Variants in RAB6A observed in about 807,000 individuals in gnomAD.
RAB6A encodes the protein RAB6A, member RAS oncogene family.
RAB6A carries 8 observed loss-of-function variants against 32.3 expected under a neutral mutation model. That is an observed-to-expected ratio of 0.25 (90% CI 0.15 to 0.45). The LOEUF is 0.45. Among genes scored for constraint, RAB6A ranks in the 20% least tolerant of loss-of-function variants. The probability of loss-of-function intolerance (pLI) is 1.00; values close to 1 mark genes in which losing one functional copy is unlikely to be tolerated. For missense variants in RAB6A, 104 were observed against 249.4 expected, an observed-to-expected ratio of 0.42 and a Z score of 3.93; for synonymous variants, 73 against 82.1, an observed-to-expected ratio of 0.89 and a Z score of 0.60.
At chr11:73,719,701 T>C (rs1439973549) in intron 3 of RAB6A, among the ~76,000 whole-genome samples, 1 of 151,270 alleles carries the variant, frequency 6.6e-6, no homozygotes, top group Non-Finnish European at 1.5e-5. Context: ...CTGCAACCTC[T>C]GCCTCCCGGG....
In RAB6A at chr11:73,720,715, T is replaced by C. The variant is rs1946123313; in HGVS notation, c.183+131A>G. On this transcript the variant is annotated intron_variant, in intron 3 of 7. Coordinates refer to ENST00000336083, the MANE Select transcript of RAB6A (RefSeq NM_198896.2). Reference sequence around the variant, plus strand: ...ACTACTCACTCGGTAATAAGAGTTTTTCTCAACAACTGTAAACTATCTTTG... The same window carrying C: ...ACTACTCACTCGGTAATAAGAGTTTCTCTCAACAACTGTAAACTATCTTTG... The C allele has an allele frequency of 5.2e-5, 37 of 709,006 alleles. No individual in the cohort carries two copies. In the South Asian group the frequency reaches 7.2e-4, roughly 14 times the overall value. 43.9% of individuals were successfully genotyped at this position (709,006 alleles called of 1,614,324 possible).
intron 6 of RAB6A, among the ~76,000 whole-genome samples, chr11:73,706,448 A>C (rs954586590): frequency 2.0e-5 from 3 of 151,948 alleles, no homozygotes; most frequent in Non-Finnish European, 4.4e-5. Context: ...TGGGAGGTGA[A>C]GCTTGCAGTG....
In RAB6A at chr11:73,700,619, G is replaced by T. The variant is rs570858895; in HGVS notation, c.495+6801C>A. Among the ~76,000 whole-genome samples the T allele has an allele frequency of 2.6e-3, 326 of 125,372 alleles. 25 individuals are homozygous for T. The highest frequency in any genetic ancestry group is 9.1e-3 in the African/African-American group (313 of 34,366). The allele number at this position is 125,372 out of a possible 152,430, so 82.2% of individuals were successfully genotyped here. A position where few individuals can be genotyped will look rare whatever the true frequency, so the allele number is the denominator to read the frequency against. Reference sequence around the variant, plus strand: ...AAAAAAGTGTGTGTGTGGGGGGGGGGGGGGGAGGAGGGTAGTGGATGAGAA... The same window carrying T: ...AAAAAAGTGTGTGTGTGGGGGGGGGTGGGGGAGGAGGGTAGTGGATGAGAA... On this transcript the variant is annotated intron_variant, in intron 6 of 7. Coordinates refer to ENST00000336083, the MANE Select transcript of RAB6A (RefSeq NM_198896.2).
intron 1 of RAB6A, among the ~76,000 whole-genome samples, chr11:73,753,183 G>A (rs1019237670): frequency 2.6e-5 from 4 of 152,118 alleles, no homozygotes; most frequent in South Asian, 2.1e-4. Context: ...CCAGGAGCTC[G>A]TGGCTGCAGT....
rs546683734 is a variant in RAB6A at position 73,733,422 on chromosome 11, G to A, written c.71-2599C>T. 1.5e-4 allele frequency among the ~76,000 whole-genome samples: 23 copies of A among 151,994 alleles called. No homozygotes were observed. The East Asian group carries it at 1.5e-3, about 10-fold the overall frequency. On this transcript the variant is annotated intron_variant, in intron 1 of 7. Coordinates refer to ENST00000336083, the MANE Select transcript of RAB6A (RefSeq NM_198896.2). ...GAATTAGCCGGGTGTGGTGATGCGC[G>A]CCTGTAATCCCAGCTACGCAGGAGA...
chr11:73,696,419 C>T (rs1945656553), intron 6 of RAB6A, among the ~76,000 whole-genome samples: 1 of 152,054 alleles, frequency 6.6e-6, no homozygotes, highest in African/African-American at 2.4e-5. Flanking sequence ...GTCTCGAACT[C>T]CTGACCTCAG....
At chr11:73,730,933 G>C in intron 1 of RAB6A, 110 bp from the exon 2 acceptor site, 1 of 733,024 alleles carries the variant, frequency 1.4e-6, no homozygotes, top group Non-Finnish European at 2.3e-6. Flanking sequence ...ACCTGCAATG[G>C]TTCTACTAAG....
intron 5 of RAB6A, among the ~76,000 whole-genome samples, chr11:73,709,474 T>TATTATTATTATG (rs113302104): frequency 6.8e-6 from 1 of 147,754 alleles, no homozygotes; most frequent in Non-Finnish European, 1.5e-5. Flanking sequence ...CTATTATTAT[T>TATTATTATTATG]ATGACTCGTG....
chr11:73,757,249 T>C (rs1253006480), intron 1 of RAB6A, among the ~76,000 whole-genome samples: 1 of 146,904 alleles, frequency 6.8e-6, no homozygotes, highest in African/African-American at 2.5e-5. Context: ...GTTCAAGCGA[T>C]TCTCCTGCCT....
intron 1 of RAB6A, among the ~76,000 whole-genome samples, chr11:73,746,967 G>A (rs569311126): frequency 2.0e-5 from 3 of 152,140 alleles, no homozygotes; most frequent in Non-Finnish European, 2.9e-5. Context: ...ACGGAGTCTC[G>A]CTCTGTCACT....
At chr11:73,716,561 C>A (rs1946056503) in intron 4 of RAB6A, among the ~76,000 whole-genome samples, 199 bp from the exon 5 acceptor site, 1 of 152,034 alleles carries the variant, frequency 6.6e-6, no homozygotes, top group African/African-American at 2.4e-5. Context: ...AGAATAAAAT[C>A]TTCAAGGTTC....
chr11:73,736,798 GA>G (rs1217713529), intron 1 of RAB6A, among the ~76,000 whole-genome samples: 1 of 38,600 alleles, frequency 2.6e-5, no homozygotes, highest in African/African-American at 8.6e-5. Flanking sequence ...TCTCGAGAAA[GA>G]AAAAAAAAAG....
At chr11:73,747,450 CG>C (rs961406168) in intron 1 of RAB6A, among the ~76,000 whole-genome samples, 16 of 149,936 alleles carry the variant, frequency 1.1e-4, no homozygotes, top group African/African-American at 3.4e-4. Flanking sequence ...CCCCCCGCCC[CG>C]CCCCCGGCCT....
chr11:73,722,305 G>GTGTGTATGTATATATA lies in RAB6A; in HGVS notation c.130-1407_130-1406insTATATATACATACACA, dbSNP rs1238666420. On this transcript the variant is annotated intron_variant, in intron 2 of 7. Transcript: ENST00000336083. ...AAAATTCAAATATATATGTGTGTGT[G>GTGTGTATGTATATATA]TATATATATATATATATATATATAT... The GTGTGTATGTATATATA allele has an allele frequency of 3.1e-3, 132 of 42,320 alleles. 2 individuals are homozygous for GTGTGTATGTATATATA. The highest frequency in any genetic ancestry group is 0.013 in the African/African-American group (129 of 10,088). 2.6% of individuals were successfully genotyped at this position (42,320 alleles called of 1,614,324 possible).
chr11:73,741,095 A>C (rs1946489038), intron 1 of RAB6A, among the ~76,000 whole-genome samples: 1 of 152,304 alleles, frequency 6.6e-6, no homozygotes, highest in Middle Eastern at 3.4e-3. Context: ...AGAGACATCC[A>C]AAGTAAAAAC....
chr11:73,715,354 G>A (rs1048145870), intron 5 of RAB6A, among the ~76,000 whole-genome samples: 3 of 152,136 alleles, frequency 2.0e-5, no homozygotes, highest in South Asian at 2.1e-4. Context: ...TTGAACTCCT[G>A]ACCTCGTGTT....
chr11:73,755,831 G>A (rs1217373264), intron 1 of RAB6A, among the ~76,000 whole-genome samples: 5 of 149,144 alleles, frequency 3.4e-5, no homozygotes, highest in African/African-American at 1.2e-4. Flanking sequence ...GAAGGGAGAA[G>A]GGGGAAGGAA....
chr11:73,702,523 A>T (rs916848598), intron 6 of RAB6A, among the ~76,000 whole-genome samples: 1 of 152,230 alleles, frequency 6.6e-6, no homozygotes, highest in Non-Finnish European at 1.5e-5. Context: ...AGTATACCTG[A>T]TAACTGTAAA....
At chr11:73,739,568 T>C (rs1012640503) in intron 1 of RAB6A, among the ~76,000 whole-genome samples, 17 of 151,508 alleles carry the variant, frequency 1.1e-4, no homozygotes, top group African/African-American at 3.9e-4. Flanking sequence ...TGCCAAGTCC[T>C]TGGGCTCAAG....
Sources: allele counts gnomAD v4.1 joint callset (sites outside exome capture counted in the v4.1 genomes callset), GRCh38; gene constraint gnomAD v4.1.1; transcripts MANE v1.5; gene names NCBI Gene and HGNC (gene_info 2026-07-23, HGNC 2026-07-21).